The following PHF21A variants were observed in gnomAD, a reference collection of about 807,000 sequenced individuals.
The protein encoded by PHF21A is PHD finger protein 21A, also known as BHC80a.
In PHF21A, 11 loss-of-function variants were observed where a neutral mutation model predicts 82.5. That is an observed-to-expected ratio of 0.13 (90% confidence interval 0.08 to 0.22). The LOEUF is 0.22. PHF21A is among the 10% of genes least tolerant of loss of function. PHF21A has a pLI of 1.00. For missense variants in PHF21A, 579 were observed against 837.8 expected, an observed-to-expected ratio of 0.69 and a Z score of 3.81; for synonymous variants, 297 against 302.8, an observed-to-expected ratio of 0.98 and a Z score of 0.20.
At chr11:46,073,688 T>TA (rs2096684371) in intron 6 of PHF21A, among the ~76,000 whole-genome samples, 1 of 152,188 alleles carries the variant, frequency 6.6e-6, no homozygotes, top group South Asian at 2.1e-4. Context: ...AAGTTGTGTA[T>TA]ACTCTCACTT....
At chr11:46,056,648 C>A (rs1333752174) in intron 6 of PHF21A, among the ~76,000 whole-genome samples, 1 of 152,112 alleles carries the variant, frequency 6.6e-6, no homozygotes, top group East Asian at 1.9e-4. Flanking sequence ...AACACTGTTT[C>A]ACCTGTACGT....
chr11:46,078,424 C>T (rs1479190807), intron 5 of PHF21A, among the ~76,000 whole-genome samples: 2 of 152,028 alleles, frequency 1.3e-5, no homozygotes, highest in African/African-American at 4.8e-5. Flanking sequence ...ATACTTATGA[C>T]CTAGTATCTA....
chr11:45,948,512 C>T (rs2091630269), intron 14 of PHF21A, among the ~76,000 whole-genome samples: 3 of 152,200 alleles, frequency 2.0e-5, no homozygotes, highest in African/African-American at 7.2e-5. Flanking sequence ...AACCAAGACG[C>T]TATTAGGAAC....
intron 6 of PHF21A, among the ~76,000 whole-genome samples, chr11:45,999,257 A>G (rs1188506386): frequency 6.6e-6 from 1 of 152,238 alleles, no homozygotes; most frequent in Non-Finnish European, 1.5e-5. Flanking sequence ...CAAACCTGGG[A>G]GAGTATATAT....
chr11:45,961,117 A>G (rs761923398), intron 10 of PHF21A, among the ~76,000 whole-genome samples: 1 of 152,242 alleles, frequency 6.6e-6, no homozygotes, highest in African/African-American at 2.4e-5. Flanking sequence ...GGAAAAATAA[A>G]TAAAAAGTCC....
At chr11:46,076,230 A>G (rs2096723676) in intron 6 of PHF21A, among the ~76,000 whole-genome samples, 1 of 152,248 alleles carries the variant, frequency 6.6e-6, no homozygotes, top group Non-Finnish European at 1.5e-5. Context: ...ATATAGAATA[A>G]GTCTAATAAC....
At chr11:45,992,037 A>C (rs2094721997) in intron 6 of PHF21A, among the ~76,000 whole-genome samples, 1 of 152,186 alleles carries the variant, frequency 6.6e-6, no homozygotes, top group South Asian at 2.1e-4. Flanking sequence ...CAGGTGTAAG[A>C]TACTAGGCAT....
chr11:46,004,560 A>T (rs2095245249), intron 6 of PHF21A, among the ~76,000 whole-genome samples: 1 of 152,170 alleles, frequency 6.6e-6, no homozygotes, highest in Non-Finnish European at 1.5e-5. Flanking sequence ...CTATGACAGA[A>T]TATTCTCTAT....
At chr11:46,005,268 T>C (rs1292597381) in intron 6 of PHF21A, among the ~76,000 whole-genome samples, 1 of 152,224 alleles carries the variant, frequency 6.6e-6, no homozygotes, top group East Asian at 1.9e-4. Flanking sequence ...CAACATGCAG[T>C]CAAAACTTTG....
chr11:45,947,424 G>A (rs2091462921), intron 14 of PHF21A, among the ~76,000 whole-genome samples: 1 of 152,284 alleles, frequency 6.6e-6, no homozygotes, highest in East Asian at 1.9e-4. Flanking sequence ...ATGCACAAGA[G>A]TCATGATTCT....
intron 1 of PHF21A, among the ~76,000 whole-genome samples, chr11:46,108,588 A>ATAT (rs67231476): frequency 0.037 from 4,316 of 118,006 alleles, 92 homozygotes; most frequent in Middle Eastern, 0.078. Flanking sequence ...TATATATATA[A>ATAT]AATACATATG....
chr11:46,109,980 C>CA (rs771228626), intron 1 of PHF21A, among the ~76,000 whole-genome samples: 281 of 73,312 alleles, frequency 3.8e-3, no homozygotes, highest in Middle Eastern at 0.02. Context: ...GACTCCGTGT[C>CA]AAAAAAAAAA....
intron 6 of PHF21A, among the ~76,000 whole-genome samples, chr11:45,982,569 A>C (rs1381528110): frequency 6.6e-6 from 1 of 152,260 alleles, no homozygotes; most frequent in Non-Finnish European, 1.5e-5. Flanking sequence ...AGGCAAAGTA[A>C]TAGCAGTGGT....
chr11:46,011,955 C>T (rs868004413), intron 6 of PHF21A, among the ~76,000 whole-genome samples: 1 of 152,218 alleles, frequency 6.6e-6, no homozygotes, highest in African/African-American at 2.4e-5. Context: ...AGGTCCTTCA[C>T]TCTATCTAGA....
intron 6 of PHF21A, chr11:46,027,028 A>G (rs1315206457): frequency 6.6e-6 from 1 of 152,202 alleles, no homozygotes; most frequent in Non-Finnish European, 1.5e-5. Flanking sequence ...GTCTGAGAGC[A>G]GGAACACACA....
chr11:45,994,612 A>G (rs1332533982), intron 6 of PHF21A, among the ~76,000 whole-genome samples: 7 of 152,234 alleles, frequency 4.6e-5, no homozygotes. Flanking sequence ...CTCAGTAGGC[A>G]GCACAGCCTC....
At chr11:46,088,322 T>C (rs543590286) in intron 3 of PHF21A, among the ~76,000 whole-genome samples, 1 of 152,254 alleles carries the variant, frequency 6.6e-6, no homozygotes, top group Admixed American at 6.5e-5. Flanking sequence ...CAAGGCCACT[T>C]GCCTAGCCCA....
At chr11:45,935,389 A>G (rs1040507575) in intron 18 of PHF21A, 4 of 771,998 alleles carry the variant, frequency 5.2e-6, no homozygotes, top group Non-Finnish European at 6.1e-6. Flanking sequence ...GAAGACTGAA[A>G]ATCCTCTCTC....
chr11:46,076,464 AC>A (rs1427737838), intron 6 of PHF21A, among the ~76,000 whole-genome samples: 2 of 152,166 alleles, frequency 1.3e-5, no homozygotes, highest in African/African-American at 4.8e-5. Context: ...AACTGCCTTT[AC>A]CCCATCCCCT....
Sources: allele counts gnomAD v4.1 joint callset (sites outside exome capture counted in the v4.1 genomes callset), GRCh38; gene constraint gnomAD v4.1.1; transcripts MANE v1.5; gene names NCBI Gene and HGNC (gene_info 2026-07-23, HGNC 2026-07-21).